Variants in RYR2 observed in about 807,000 individuals in gnomAD.
RYR2 encodes the protein cardiac muscle ryanodine receptor-calcium release channel.
RYR2 carries 227 observed loss-of-function variants against 601.1 expected under a neutral mutation model. That is an observed-to-expected ratio of 0.38 (90% CI 0.34 to 0.42). RYR2 has a LOEUF of 0.42. RYR2 is among the 10% of genes least tolerant of loss of function. The probability of loss-of-function intolerance (pLI) is 1.00; values close to 1 mark genes in which losing one functional copy is unlikely to be tolerated. For missense variants in RYR2, 4,646 were observed against 6,156.5 expected (o/e 0.75, Z 8.21); for synonymous variants, 2,223 against 2,175.1 (o/e 1.02, Z -0.61).
chr1:237,602,709 A>T, intron 35 of RYR2, among the ~76,000 whole-genome samples: 1 of 152,208 alleles, frequency 6.6e-6, no homozygotes, highest in East Asian at 1.9e-4. Flanking sequence ...GGAGATTAAG[A>T]TGGATAAAAG....
Position 237,658,011 on chromosome 1 carries a change from TC to T in RYR2, c.8198del (p.Ser2733Ter). On this transcript the variant is annotated frameshift_variant, in exon 54 of 105. Coordinates refer to ENST00000366574, the MANE Select transcript of RYR2 (RefSeq NM_001035.3). LOFTEE classifies it high-confidence loss of function. The part of the protein sequence containing the change: ...KYAEHSHDKW[S>X]MDKLANGWIY... ...TGCAGAACACTCCCATGACAAATGG[TC>T]AATGGACAAGGTAAAAAGAGTATTA... 6.7e-7 allele frequency: 1 copy of T among 1,492,896 alleles called. No homozygotes were observed. Among genetic ancestry groups the T allele is most frequent in the South Asian group, 1.3e-5 (1 of 75,208 alleles). The allele number at this position is 1,492,896 out of a possible 1,614,324, so 92.5% of individuals were successfully genotyped here. A position where few individuals can be genotyped will look rare whatever the true frequency, so the allele number is the denominator to read the frequency against.
chr1:237,679,846 A>AC (rs1289910162), intron 61 of RYR2, among the ~76,000 whole-genome samples: 2 of 152,174 alleles, frequency 1.3e-5, no homozygotes, highest in Non-Finnish European at 2.9e-5. Context: ...AGCACGCCAG[A>AC]CAGAGGGAAT....
At position 237,791,425 on chromosome 1, in the gene RYR2, T is replaced by A; in HGVS notation, c.13477-4T>A. The A allele has an allele frequency of 6.5e-7, 1 of 1,529,916 alleles. No homozygotes were observed. Among genetic ancestry groups the A allele is most frequent in the Non-Finnish European group, 8.9e-7 (1 of 1,117,466 alleles). The allele number at this position is 1,529,916 out of a possible 1,614,324, so 94.8% of individuals were successfully genotyped here. A position where few individuals can be genotyped will look rare whatever the true frequency, so the allele number is the denominator to read the frequency against. On this transcript the variant is annotated splice_polypyrimidine_tract_variant and splice_region_variant and intron_variant, in intron 92 of 104. Coordinates refer to ENST00000366574, the MANE Select transcript of RYR2 (RefSeq NM_001035.3). ...GACCTTTTCATAATGTTTTTCACCC[T>A]CAGAACTATTTTGCTCGCAACTTTT...
At chr1:237,541,844 A>G (rs2779372) in intron 25 of RYR2, among the ~76,000 whole-genome samples, 87,548 of 151,814 alleles carry the variant, frequency 0.58, 26,579 homozygotes, top group East Asian at 0.86. Flanking sequence ...TCACAAGATA[A>G]TGTCATCACT....
chr1:237,391,068 T>A (rs183221735), intron 10 of RYR2, among the ~76,000 whole-genome samples: 265 of 152,264 alleles, frequency 1.7e-3, no homozygotes, highest in African/African-American at 6.3e-3. Context: ...ATTATTTGAA[T>A]AGAATGATAA....
In RYR2 at chr1:237,529,760, TACACACACACACACACAC is replaced by T. The variant is rs71561882; in HGVS notation, c.2823-646_2823-629del. On this transcript the variant is annotated intron_variant, in intron 24 of 104. Coordinates refer to ENST00000366574, the MANE Select transcript of RYR2 (RefSeq NM_001035.3). ...TATAAAAGGTAAAACAATAATATCA[TACACACACACACACACAC>T]ACACACACACACACACACACCACGT... is the stretch of plus-strand genomic sequence containing the variant. Among the ~76,000 whole-genome samples the T allele has an allele frequency of 2.3e-3, 316 of 134,592 alleles. 2 individuals carry two copies. The highest frequency in any genetic ancestry group is 0.016 in the Middle Eastern group (4 of 258). The allele number at this position is 134,592 out of a possible 152,430, so 88.3% of individuals were successfully genotyped here. A position where few individuals can be genotyped will look rare whatever the true frequency, so the allele number is the denominator to read the frequency against.
At chr1:237,737,353 G>A (rs565736942) in intron 79 of RYR2, among the ~76,000 whole-genome samples, 1 of 152,076 alleles carries the variant, frequency 6.6e-6, no homozygotes, top group African/African-American at 2.4e-5. Context: ...TGTTACACTC[G>A]GCACATTCTC....
rs1454549719 is a variant in RYR2, at chr1:237,330,941, C to T, written c.232C>T (p.Leu78=). ...VLEQSLSVRA[L]QEMLANTVEK... ...GGAGCAGTCCCTCTCTGTCCGGGCG[C>T]TGCAGGAGATGCTGGCTAACACCGT... Residue 78 remains leucine (L), a synonymous_variant, in exon 3 of 105, where the codon CTG becomes TTG. Transcript: ENST00000366574. 16 of 1,613,852 alleles carry T rather than the reference C, an allele frequency of 9.9e-6. No homozygotes were observed. The highest frequency in any genetic ancestry group is 3.3e-5 in the Admixed American group (2 of 60,004).
intron 89 of RYR2, 105 bp downstream of exon 89, chr1:237,781,751 A>G (rs1695130750): frequency 2.0e-6 from 1 of 509,978 alleles, no homozygotes; most frequent in East Asian, 3.2e-5. Flanking sequence ...GCACTCAGAT[A>G]TGATAGATGC....
At chr1:237,312,868 A>G (rs962811406) in intron 2 of RYR2, among the ~76,000 whole-genome samples, 1 of 152,222 alleles carries the variant, frequency 6.6e-6, no homozygotes, top group African/African-American at 2.4e-5. Flanking sequence ...ATGAAAAATA[A>G]GAGTCATTTT....
chr1:237,778,814 G>A (rs1211810345), intron 88 of RYR2, 44 bp downstream of exon 88: 1 of 945,544 alleles, frequency 1.1e-6, no homozygotes, highest in Non-Finnish European at 1.7e-6. Context: ...TGACAAACTG[G>A]AGACTGTAAT....
intron 48 of RYR2, among the ~76,000 whole-genome samples, chr1:237,646,022 G>A (rs371931462): frequency 9.9e-5 from 15 of 151,412 alleles, no homozygotes; most frequent in African/African-American, 3.6e-4. Context: ...GACTACAGGC[G>A]CCCGCCACTA....
chr1:237,394,537 C>T (rs1389452388), intron 10 of RYR2, among the ~76,000 whole-genome samples: 1 of 152,230 alleles, frequency 6.6e-6, no homozygotes, highest in East Asian at 1.9e-4. Context: ...CTCAGCTGCT[C>T]AGCCACATGC....
rs556302929 is a variant in RYR2, at chr1:237,253,392, A to G, written c.49-17105A>G. On this transcript the variant is annotated intron_variant, in intron 1 of 104. Coordinates refer to ENST00000366574, the MANE Select transcript of RYR2 (RefSeq NM_001035.3). ...AGTGGGCTCTTTTTGTACAACCACA[A>G]GATTTCTGCAATGCAGATACTTTGT... 1.3e-3 allele frequency among the ~76,000 whole-genome samples: 192 copies of G among 152,286 alleles called. 3 individuals carry two copies. In the Middle Eastern group the frequency reaches 0.031, roughly 24 times the overall value.
intron 29 of RYR2, among the ~76,000 whole-genome samples, chr1:237,587,111 C>T (rs1457841042): frequency 6.6e-6 from 1 of 152,194 alleles, no homozygotes; most frequent in Non-Finnish European, 1.5e-5. Flanking sequence ...CTTTCTGACA[C>T]ATGGTAGTTG....
rs75103309 is a variant in RYR2, at chr1:237,623,445, G to T, written c.5917-320G>T. Among the ~76,000 whole-genome samples, 2,633 of 132,388 alleles carry T rather than the reference G, an allele frequency of 0.02. 90 individuals are homozygous for T. Among genetic ancestry groups the T allele is most frequent in the African/African-American group, 0.069 (2,455 of 35,782 alleles). 86.9% of individuals were successfully genotyped at this position (132,388 alleles called of 152,430 possible). ...TCACTGTGTCGCCGCCCAGGCTGGA[G>T]TGTAGTGGCACAATCTCGGCTCACT... On this transcript the variant is annotated intron_variant, in intron 38 of 104. Coordinates refer to ENST00000366574, the MANE Select transcript of RYR2 (RefSeq NM_001035.3).
At chr1:237,731,667 TC>T (rs757820092) in intron 77 of RYR2, among the ~76,000 whole-genome samples, 1 of 152,162 alleles carries the variant, frequency 6.6e-6, no homozygotes, top group Non-Finnish European at 1.5e-5. Flanking sequence ...ATATAAGTTA[TC>T]CCTGCTCATA....
At chr1:237,616,970 C>G (rs1485716649) in intron 37 of RYR2, among the ~76,000 whole-genome samples, 1 of 152,096 alleles carries the variant, frequency 6.6e-6, no homozygotes, top group Non-Finnish European at 1.5e-5. Flanking sequence ...GGAAGACACC[C>G]TCATGATTCA....
intron 1 of RYR2, among the ~76,000 whole-genome samples, chr1:237,085,169 CAATT>C (rs1284132949): frequency 6.6e-6 from 1 of 152,138 alleles, no homozygotes; most frequent in African/African-American, 2.4e-5. Flanking sequence ...AGAGTGCATC[CAATT>C]AATATCAATT....
Sources: allele counts gnomAD v4.1 joint callset (sites outside exome capture counted in the v4.1 genomes callset), GRCh38; gene constraint gnomAD v4.1.1; transcripts MANE v1.5; gene names NCBI Gene and HGNC (gene_info 2026-07-23, HGNC 2026-07-21).